Variants in PELI2 observed in about 807,000 individuals in gnomAD.
PELI2 encodes the protein E3 ubiquitin-protein ligase pellino homolog 2.
A neutral mutation model predicts 42.3 loss-of-function variants in PELI2; 23 were observed. The observed-to-expected ratio is 0.54, with a 90% CI of 0.39 to 0.77. PELI2 has a LOEUF of 0.77. PELI2 is among the 30% of genes least tolerant of loss of function. The pLI, the probability that PELI2 is intolerant of heterozygous loss-of-function variation, is 0.00. For missense variants in PELI2, 463 were observed against 553.2 expected, an observed-to-expected ratio of 0.84 and a Z score of 1.64; for synonymous variants, 245 against 212.2, an observed-to-expected ratio of 1.15 and a Z score of -1.34.
chr14:56,295,950 G>C (rs1333056643), intron 5 of PELI2, among the ~76,000 whole-genome samples: 1 of 152,230 alleles, frequency 6.6e-6, no homozygotes, highest in Non-Finnish European at 1.5e-5. Context: ...TGGAGGCAGC[G>C]GTCACGTTCT....
At chr14:56,267,038 TA>T (rs1217289450) in intron 2 of PELI2, among the ~76,000 whole-genome samples, 2 of 152,064 alleles carry the variant, frequency 1.3e-5, no homozygotes, top group Non-Finnish European at 2.9e-5. Context: ...TCTGGAAGGA[TA>T]TATAAGAAAC....
intron 1 of PELI2, among the ~76,000 whole-genome samples, chr14:56,128,468 G>A (rs1431254004): frequency 6.6e-6 from 1 of 152,206 alleles, no homozygotes; most frequent in Non-Finnish European, 1.5e-5. Context: ...CTGATTAGAA[G>A]GTAGGTCCTT....
At chr14:56,250,025 T>C (rs996002691) in intron 2 of PELI2, among the ~76,000 whole-genome samples, 11 of 152,184 alleles carry the variant, frequency 7.2e-5, no homozygotes, top group African/African-American at 2.4e-4. Context: ...AAGTCCCCTT[T>C]GCCTGTAGGT....
intron 2 of PELI2, among the ~76,000 whole-genome samples, chr14:56,227,843 G>A (rs375464900): frequency 6.6e-6 from 1 of 152,180 alleles, no homozygotes; most frequent in Admixed American, 6.5e-5. Context: ...AAATTACAGA[G>A]GGCTTTCAGA....
At chr14:56,137,373 A>G (rs1052294420) in intron 1 of PELI2, among the ~76,000 whole-genome samples, 2 of 152,156 alleles carry the variant, frequency 1.3e-5, no homozygotes, top group African/African-American at 4.8e-5. Flanking sequence ...AAAGTGGAGG[A>G]AAAGAATGAA....
At chr14:56,252,850 C>G (rs1304793991) in intron 2 of PELI2, among the ~76,000 whole-genome samples, 1 of 152,186 alleles carries the variant, frequency 6.6e-6, no homozygotes, top group Non-Finnish European at 1.5e-5. Flanking sequence ...CTCCTCAACT[C>G]ATTCTATGAG....
intron 2 of PELI2, among the ~76,000 whole-genome samples, chr14:56,223,653 TTTC>T (rs1048235133): frequency 1.3e-5 from 2 of 152,226 alleles, no homozygotes; most frequent in African/African-American, 2.4e-5. Flanking sequence ...CTTGATTATT[TTTC>T]TTCTTTTCAT....
At chr14:56,281,478 A>T (rs759353059) in intron 3 of PELI2, among the ~76,000 whole-genome samples, 2 of 152,106 alleles carry the variant, frequency 1.3e-5, no homozygotes, top group Non-Finnish European at 2.9e-5. Context: ...CTCTTTTTCC[A>T]TTTTCTGTAA....
intron 2 of PELI2, among the ~76,000 whole-genome samples, chr14:56,202,908 A>C (rs927606241): frequency 1.3e-5 from 2 of 152,206 alleles, no homozygotes; most frequent in Non-Finnish European, 2.9e-5. Flanking sequence ...TAAAAATAAA[A>C]GGCAGGGAAG....
In PELI2 at chr14:56,290,510, C is replaced by A. The variant is rs532542494; in HGVS notation, c.696+54C>A. The A allele has an allele frequency of 1.7e-5, 22 of 1,332,720 alleles. No individual in the cohort carries two copies. In the Middle Eastern group the frequency reaches 1.7e-3, roughly 105 times the overall value. The allele number at this position is 1,332,720 out of a possible 1,614,324, so 82.6% of individuals were successfully genotyped here. ...AGTACGAAACTACTCAAGCCTAACT[C>A]GAAGGCTATCATTTTCCTCCCCTGA... On this transcript the variant is annotated intron_variant, in intron 5 of 5. Coordinates refer to ENST00000267460, the MANE Select transcript of PELI2 (RefSeq NM_021255.3).
At chr14:56,185,150 A>G (rs951092435) in intron 2 of PELI2, among the ~76,000 whole-genome samples, 6 of 152,128 alleles carry the variant, frequency 3.9e-5, no homozygotes, top group Admixed American at 2.6e-4. Flanking sequence ...ATCCTATTAT[A>G]TGTTTTACAT....
chr14:56,194,415 C>T (rs976872829), intron 2 of PELI2, among the ~76,000 whole-genome samples: 2 of 152,200 alleles, frequency 1.3e-5, no homozygotes, highest in African/African-American at 4.8e-5. Flanking sequence ...TAATACCAGG[C>T]CCCACTGCCC....
At chr14:56,141,795 G>A (rs1883917494) in intron 1 of PELI2, among the ~76,000 whole-genome samples, 1 of 152,154 alleles carries the variant, frequency 6.6e-6, no homozygotes, top group Admixed American at 6.5e-5. Context: ...CTTGACACGT[G>A]GGGTTTATTA....
chr14:56,148,994 C>T (rs1304975554), intron 1 of PELI2, among the ~76,000 whole-genome samples: 1 of 152,142 alleles, frequency 6.6e-6, no homozygotes, highest in Non-Finnish European at 1.5e-5. Flanking sequence ...AAGGTTGAGA[C>T]CCAAACCCAT....
intron 3 of PELI2, among the ~76,000 whole-genome samples, chr14:56,282,162 T>C (rs977260952): frequency 5.3e-5 from 8 of 152,096 alleles, no homozygotes. Context: ...CTAAATGTTC[T>C]TCAGTAGTGG....
At chr14:56,198,746 C>T (rs1463020304) in intron 2 of PELI2, among the ~76,000 whole-genome samples, 1 of 152,050 alleles carries the variant, frequency 6.6e-6, no homozygotes, top group Non-Finnish European at 1.5e-5. Context: ...GGAGAGCATG[C>T]TTATATGCTG....
intron 2 of PELI2, among the ~76,000 whole-genome samples, chr14:56,220,367 G>T (rs1887081217): frequency 6.6e-6 from 1 of 152,098 alleles, no homozygotes. Flanking sequence ...AAAAAATAAG[G>T]GAAAGGAAAA....
rs999898034 is a variant in PELI2, at chr14:56,197,828, G to A, written c.207+19364G>A. ...AGCAGATGGCCTTCAGACTTGAACT[G>A]CAGTCTTGGTTCTTTCTGGGGTCTC... is the stretch of plus-strand genomic sequence containing the variant. On this transcript the variant is annotated intron_variant, in intron 2 of 5. Transcript: ENST00000267460. The surrounding 1 kb of genome is among the most constrained non-coding windows in gnomAD (Gnocchi z 4.9). Among the ~76,000 whole-genome samples, 6 of 152,000 alleles carry A rather than the reference G, an allele frequency of 3.9e-5. No individual in the cohort carries two copies. Among genetic ancestry groups the A allele is most frequent in the Non-Finnish European group, 8.8e-5 (6 of 68,014 alleles).
At chr14:56,213,926 G>T (rs1464797110) in intron 2 of PELI2, among the ~76,000 whole-genome samples, 1 of 151,362 alleles carries the variant, frequency 6.6e-6, no homozygotes, top group Non-Finnish European at 1.5e-5. Context: ...ATCTCGGCTC[G>T]CTGCAACCTC....
Sources: allele counts gnomAD v4.1 joint callset (sites outside exome capture counted in the v4.1 genomes callset), GRCh38; gene constraint gnomAD v4.1.1; non-coding constraint Gnocchi (gnomAD v3.1); transcripts MANE v1.5; gene names NCBI Gene and HGNC (gene_info 2026-07-23, HGNC 2026-07-21).